Variants in C19orf18 observed in about 807,000 individuals in gnomAD.
C19orf18 encodes chromosome 19 open reading frame 18.
Under a neutral mutation model 23.3 loss-of-function variants are expected in C19orf18, and 21 were observed. That is an observed-to-expected ratio of 0.90 (90% CI 0.64 to 1.30). The LOEUF is 1.30. Among genes scored for constraint, C19orf18 ranks in the 50% most tolerant of loss-of-function variants. C19orf18 has a pLI of 0.00. For synonymous variants in C19orf18, 96 were observed against 95.2 expected, an observed-to-expected ratio of 1.01 and a Z score of -0.05; for missense variants, 249 against 259.6, an observed-to-expected ratio of 0.96 and a Z score of 0.28.
Position 57,961,365 on chromosome 19 carries a change from C to A in C19orf18, c.532+26G>T, listed in dbSNP as rs779933013. Reference sequence around the variant, plus strand: ...TGCCGCTGCCAGCTTGGCTTTCCTGCGAATAGCTCTTACAGGTCACACTAC... The same window carrying A: ...TGCCGCTGCCAGCTTGGCTTTCCTGAGAATAGCTCTTACAGGTCACACTAC... On this transcript the variant is annotated intron_variant, in intron 5 of 5. Coordinates refer to ENST00000314391, the MANE Select transcript of C19orf18 (RefSeq NM_152474.5). The A allele has an allele frequency of 3.2e-6, 5 of 1,544,636 alleles. 1 individual carries two copies. The South Asian group carries it at 6.1e-5, about 19-fold the overall frequency.
intron 2 of C19orf18, 92 bp downstream of exon 2, chr19:57,974,007 A>G (rs2072965344): frequency 3.2e-6 from 4 of 1,256,412 alleles, no homozygotes; most frequent in Non-Finnish European, 4.6e-6. Context: ...GGACCTTTCT[A>G]CCAGCAAGCA....
intron 2 of C19orf18, among the ~76,000 whole-genome samples, chr19:57,972,965 T>C (rs944014983): frequency 5.9e-5 from 9 of 151,528 alleles, no homozygotes; most frequent in African/African-American, 1.9e-4. Flanking sequence ...CTGACCAACA[T>C]GGTGAAACCC....
intron 4 of C19orf18, among the ~76,000 whole-genome samples, chr19:57,964,254 T>C (rs761140050): frequency 9.2e-5 from 14 of 152,230 alleles, no homozygotes; most frequent in Non-Finnish European, 1.6e-4. Flanking sequence ...AGTTTTGTTA[T>C]AATAATGAAA....
chr19:57,971,969 G>A (rs1259183337), intron 3 of C19orf18, among the ~76,000 whole-genome samples: 2 of 152,186 alleles, frequency 1.3e-5, no homozygotes, highest in African/African-American at 2.4e-5. Context: ...AAGCAGTGGA[G>A]ATGGGTAGGT....
At chr19:57,965,779 A>G (rs1254474022) in intron 4 of C19orf18, among the ~76,000 whole-genome samples, 4 of 152,080 alleles carry the variant, frequency 2.6e-5, no homozygotes, top group Non-Finnish European at 5.9e-5. Context: ...GAAAAAATAA[A>G]ATAAAATAAA....
intron 5 of C19orf18, 132 bp downstream of exon 5, chr19:57,961,259 G>T: frequency 9.8e-7 from 1 of 1,025,128 alleles, no homozygotes; most frequent in Non-Finnish European, 1.4e-6. Flanking sequence ...AGAAAGAAAG[G>T]AAGGAAGAAA....
intron 3 of C19orf18, among the ~76,000 whole-genome samples, chr19:57,969,879 CA>C (rs71293938): frequency 1.9e-3 from 225 of 121,026 alleles, no homozygotes; most frequent in Middle Eastern, 4.5e-3. Flanking sequence ...AACTCCATCT[CA>C]AAAAAAAAAA....
intron 3 of C19orf18, among the ~76,000 whole-genome samples, 162 bp from the exon 4 acceptor site, chr19:57,966,794 C>T (rs1032334241): frequency 6.6e-6 from 1 of 151,906 alleles, no homozygotes; most frequent in African/African-American, 2.4e-5. Context: ...TTTTTTGACA[C>T]TGAGTCTCGC....
chr19:57,958,790 A>G, intron 5 of C19orf18, 73 bp from the exon 6 acceptor site: 2 of 796,572 alleles, frequency 2.5e-6, no homozygotes, highest in South Asian at 1.9e-5. Flanking sequence ...GGGGTGAGGG[A>G]AAAAGCCTGG....
intron 4 of C19orf18, among the ~76,000 whole-genome samples, chr19:57,966,212 C>T (rs1437622261): frequency 6.6e-6 from 1 of 152,116 alleles, no homozygotes; most frequent in Non-Finnish European, 1.5e-5. Flanking sequence ...CTCCTGACCT[C>T]ATGATCCACC....
chr19:57,962,026 TTC>T (rs367842034), intron 4 of C19orf18, among the ~76,000 whole-genome samples: 2 of 150,684 alleles, frequency 1.3e-5, no homozygotes, highest in Admixed American at 6.6e-5. Flanking sequence ...CCCTTTCTCT[TTC>T]TCTCTCTCTT....
At chr19:57,965,027 G>A (rs902608952) in intron 4 of C19orf18, among the ~76,000 whole-genome samples, 3 of 152,268 alleles carry the variant, frequency 2.0e-5, no homozygotes, top group African/African-American at 4.8e-5. Context: ...ACCCCAGACT[G>A]CACTGACACA....
chr19:57,962,892 A>AT (rs927662269), intron 4 of C19orf18, among the ~76,000 whole-genome samples: 3 of 151,884 alleles, frequency 2.0e-5, no homozygotes, highest in African/African-American at 4.8e-5. Flanking sequence ...GGGTTAGTTT[A>AT]TTTTTTGTTT....
intron 3 of C19orf18, among the ~76,000 whole-genome samples, chr19:57,969,472 T>C (rs1219847562): frequency 7.1e-6 from 1 of 139,966 alleles, no homozygotes; most frequent in Non-Finnish European, 1.5e-5. Flanking sequence ...GGAGAATCAC[T>C]TGAGCCCAGG....
chr19:57,967,262 G>T (rs1266611555), intron 3 of C19orf18, among the ~76,000 whole-genome samples: 1 of 152,160 alleles, frequency 6.6e-6, no homozygotes. Context: ...TTATTTTGGG[G>T]AACTTTGTAT....
chr19:57,967,397 A>T (rs1369796956), intron 3 of C19orf18, among the ~76,000 whole-genome samples: 1 of 152,168 alleles, frequency 6.6e-6, no homozygotes, highest in African/African-American at 2.4e-5. Context: ...GTGAATCGTG[A>T]TACTACGGTG....
intron 5 of C19orf18, among the ~76,000 whole-genome samples, chr19:57,960,989 C>T (rs1305528606): frequency 6.6e-6 from 1 of 152,094 alleles, no homozygotes; most frequent in African/African-American, 2.4e-5. Context: ...ACCATCCTGG[C>T]ACCCGAGCGT....
chr19:57,970,718 C>T (rs1429883922), intron 3 of C19orf18, among the ~76,000 whole-genome samples: 1 of 151,922 alleles, frequency 6.6e-6, no homozygotes, highest in East Asian at 1.9e-4. Context: ...CTCCACCATG[C>T]CCAGCTAATT....
At position 57,974,374 on chromosome 19, in the gene C19orf18, A is replaced by G. The variant is rs1249113374; in HGVS notation, c.59T>C (p.Leu20Pro). The G allele has an allele frequency of 6.2e-7, 1 of 1,614,028 alleles. No individual in the cohort carries two copies. The highest frequency in any genetic ancestry group is 1.3e-5 in the African/African-American group (1 of 74,938). ...ATCTGCATACGGCAAGCATAAATGA[A>G]GTTGGCATTCCATTAAAAACAAAAA... ...ILFLFLMECQ[L>P]HLCLPYADGL... The change falls in exon 1 of 6, where the codon CTT becomes CCT. Residue 20 changes from leucine to proline, a missense_variant. Physicochemically the swap from Leu to Pro is moderately conservative, Grantham distance 98 (BLOSUM62 -3). Coordinates refer to ENST00000314391, the MANE Select transcript of C19orf18 (RefSeq NM_152474.5).
Sources: gnomAD v4.1 joint callset for allele counts (sites outside exome capture counted in the v4.1 genomes callset) on GRCh38, gnomAD v4.1.1 for gene constraint, MANE v1.5 for transcripts, NCBI Gene and HGNC (gene_info 2026-07-23, HGNC 2026-07-21) for gene names.